Variants in ZFHX4 observed in about 807,000 individuals in gnomAD.
ZFHX4 encodes zinc finger homeobox 4.
Under a neutral mutation model 267.6 loss-of-function variants are expected in ZFHX4, and 56 were observed. The observed-to-expected ratio is 0.21, with a 90% CI of 0.17 to 0.26. ZFHX4 has a LOEUF of 0.26. Among genes scored for constraint, ZFHX4 ranks in the 10% least tolerant of loss-of-function variants. The pLI, the probability that ZFHX4 is intolerant of heterozygous loss-of-function variation, is 1.00. For missense variants in ZFHX4, 4,332 were observed against 4,420.0 expected, an observed-to-expected ratio of 0.98 and a Z score of 0.56; for synonymous variants, 1,778 against 1,665.6, an observed-to-expected ratio of 1.07 and a Z score of -1.64.
At chr8:76,778,537 C>G (rs1810464283) in intron 4 of ZFHX4, 98 bp downstream of exon 4, 4 of 974,576 alleles carry the variant, frequency 4.1e-6, no homozygotes, top group Non-Finnish European at 6.4e-6. Flanking sequence ...CTCAAACTCT[C>G]CAACTCGAGC....
intron 1 of ZFHX4, among the ~76,000 whole-genome samples, chr8:76,690,858 A>T (rs1807804579): frequency 6.6e-6 from 1 of 152,002 alleles, no homozygotes; most frequent in African/African-American, 2.4e-5. Flanking sequence ...TCTTCTAAGA[A>T]TTGGCCAATA....
At chr8:76,746,357 A>G (rs1415950539) in intron 3 of ZFHX4, among the ~76,000 whole-genome samples, 1 of 152,204 alleles carries the variant, frequency 6.6e-6, no homozygotes, top group Non-Finnish European at 1.5e-5. Flanking sequence ...GTGAGCTAAG[A>G]TTGAATTATG....
intron 3 of ZFHX4, among the ~76,000 whole-genome samples, chr8:76,730,845 A>T (rs571912179): frequency 4.6e-5 from 7 of 152,320 alleles, no homozygotes; most frequent in Non-Finnish European, 1.0e-4. Context: ...TCCGTTTTGT[A>T]TCACTACATC....
intron 3 of ZFHX4, among the ~76,000 whole-genome samples, chr8:76,712,568 C>T (rs17363324): frequency 0.058 from 8,811 of 151,372 alleles, 257 homozygotes; most frequent in Middle Eastern, 0.11. Context: ...TAAAGGAAGT[C>T]AGGAGATTGT....
At chr8:76,815,946 G>A (rs1242313045) in intron 4 of ZFHX4, among the ~76,000 whole-genome samples, 2 of 152,176 alleles carry the variant, frequency 1.3e-5, no homozygotes, top group Non-Finnish European at 2.9e-5. Flanking sequence ...ATGAGGTAAA[G>A]GTGAATTACT....
intron 1 of ZFHX4, among the ~76,000 whole-genome samples, chr8:76,692,231 A>C (rs1335459546): frequency 6.6e-6 from 1 of 152,016 alleles, no homozygotes; most frequent in Non-Finnish European, 1.5e-5. Flanking sequence ...GATTCCAGAC[A>C]CTCCATTAAA....
chr8:76,849,837 CGTGTTATA>C, intron 8 of ZFHX4, 125 bp downstream of exon 8: 1 of 1,074,882 alleles, frequency 9.3e-7, no homozygotes, highest in Non-Finnish European at 1.3e-6. Flanking sequence ...TGTTATTGCT[CGTGTTATA>C]GTAGTCACAC....
intron 3 of ZFHX4, among the ~76,000 whole-genome samples, chr8:76,716,671 T>C (rs1367014366): frequency 6.6e-6 from 1 of 152,134 alleles, no homozygotes; most frequent in East Asian, 1.9e-4. Context: ...ATTGCAGATG[T>C]AGTAAGAGCT....
intron 3 of ZFHX4, among the ~76,000 whole-genome samples, chr8:76,776,697 A>T (rs1467317027): frequency 1.3e-5 from 2 of 152,218 alleles, no homozygotes; most frequent in African/African-American, 2.4e-5. Flanking sequence ...GCTACGCTGC[A>T]CTTCTATTTC....
chr8:76,858,820 C>T (rs1243253312), intron 10 of ZFHX4, among the ~76,000 whole-genome samples: 4 of 152,142 alleles, frequency 2.6e-5, no homozygotes, highest in East Asian at 1.9e-4. Flanking sequence ...AGCCCTGGGC[C>T]GTTGCTACAA....
intron 4 of ZFHX4, among the ~76,000 whole-genome samples, chr8:76,828,541 C>A (rs747477846): frequency 1.3e-5 from 2 of 152,166 alleles, no homozygotes; most frequent in African/African-American, 2.4e-5. Context: ...TGCCTAGCAC[C>A]TAACAAGTTT....
rs757463973 is a variant in ZFHX4, at chr8:76,854,841, C to T, written c.7920C>T (p.Arg2640=). 1 of 1,609,362 alleles carries T rather than the reference C, an allele frequency of 6.2e-7. No individual in the cohort carries two copies. Among genetic ancestry groups the T allele is most frequent in the Non-Finnish European group, 8.5e-7 (1 of 1,178,562 alleles). Residue 2640 remains arginine, a synonymous_variant, in exon 10 of 11, where the codon CGC becomes CGT. Transcript: ENST00000651372. The stretch of plus-strand genomic sequence containing the variant: ...GAAAAATGCTTGATCATATTGCCCG[C>T]GAAGTCGGGCTGAAAAAAAGGGTCG... ...PTRKMLDHIA[R]EVGLKKRVVQ...
intron 4 of ZFHX4, among the ~76,000 whole-genome samples, chr8:76,816,447 A>T (rs1229222600): frequency 2.0e-5 from 3 of 152,050 alleles, no homozygotes; most frequent in Non-Finnish European, 4.4e-5. Flanking sequence ...TAGTGGGTGG[A>T]TGTTTTGTCT....
At chr8:76,856,372 A>T in intron 10 of ZFHX4, 72 bp downstream of exon 10, 1 of 1,542,700 alleles carries the variant, frequency 6.5e-7, no homozygotes, top group Non-Finnish European at 8.8e-7. Flanking sequence ...GTAACCAAGA[A>T]CGGGGTGCCT....
chr8:76,791,566 G>A (rs1810837010), intron 4 of ZFHX4, among the ~76,000 whole-genome samples: 1 of 152,098 alleles, frequency 6.6e-6, no homozygotes, highest in African/African-American at 2.4e-5. Flanking sequence ...AAAATGTTGA[G>A]AAATTTCATT....
intron 3 of ZFHX4, among the ~76,000 whole-genome samples, chr8:76,719,946 TC>T (rs1385204072): frequency 1.3e-5 from 2 of 152,166 alleles, no homozygotes; most frequent in Non-Finnish European, 2.9e-5. Context: ...GTACAGTGAA[TC>T]TTGAGACCAT....
At chr8:76,755,540 C>T (rs1325142502) in intron 3 of ZFHX4, among the ~76,000 whole-genome samples, 2 of 152,102 alleles carry the variant, frequency 1.3e-5, no homozygotes, top group African/African-American at 4.8e-5. Context: ...TTATTATTCT[C>T]AGTATATGTT....
rs1402486533 is a variant in ZFHX4 at position 76,851,928 on chromosome 8, A to G, written c.5007A>G (p.Glu1669=). Residue 1669 remains glutamate, a synonymous_variant, in exon 10 of 11, where the codon GAA becomes GAG. Coordinates refer to ENST00000651372, the MANE Select transcript of ZFHX4 (RefSeq NM_024721.5). ...NSKDTHLDAK[E]LNKKQTPDLI... ...AAGATACCCATTTAGATGCCAAAGA[A>G]TTAAATAAAAAGCAAACTCCTGATT... is the stretch of plus-strand genomic sequence containing the variant. 2.5e-5 allele frequency: 40 copies of G among 1,614,026 alleles called. No homozygotes were observed. Among genetic ancestry groups the G allele is most frequent in the Non-Finnish European group, 3.3e-5 (39 of 1,179,868 alleles).
rs751103569 is a variant in ZFHX4, at chr8:76,853,007, A to G, written c.6086A>G (p.Asn2029Ser). The G allele has an allele frequency of 6.5e-7, 1 of 1,529,878 alleles. No homozygotes were observed. The highest frequency in any genetic ancestry group is 8.8e-7 in the Non-Finnish European group (1 of 1,130,736). 94.8% of individuals were successfully genotyped at this position (1,529,878 alleles called of 1,614,324 possible). The change falls in exon 10 of 11, where the codon AAC (asparagine) becomes AGC (serine). Residue 2029 changes from asparagine to serine, a missense_variant. Physicochemically the swap from Asn to Ser is conservative, Grantham distance 46. Around this residue, in one of 7 missense-constraint regions of ZFHX4, gnomAD observed 1,371 missense variants for 1,423.1 expected, o/e 0.96. Transcript: ENST00000651372. ...TCTATGGGTCCTGTAAAGATCCCCA[A>G]CACGGTTTCTACTCCTCTGCAAGCT... Reference protein sequence around the residue: ...PSSMGPVKIPNTVSTPLQAPP... With the variant: ...PSSMGPVKIPSTVSTPLQAPP...
Sources: gnomAD v4.1 joint callset for allele counts (sites outside exome capture counted in the v4.1 genomes callset) on GRCh38, gnomAD v4.1.1 for gene constraint, gnomAD v4.1.1 regional missense constraint, MANE v1.5 for transcripts, NCBI Gene and HGNC (gene_info 2026-07-23, HGNC 2026-07-21) for gene names.